CLEC16A: variants seen among roughly 807,000 people sequenced by gnomAD.
CLEC16A encodes the protein C-type lectin domain containing 16A.
A neutral mutation model predicts 109.5 loss-of-function variants in CLEC16A; 51 were observed. The observed-to-expected ratio is 0.47, with a 90% CI of 0.37 to 0.59. The LOEUF (loss-of-function observed/expected upper bound fraction) is 0.59. Ranked by LOEUF, CLEC16A falls within the 20% of genes least tolerant of loss-of-function variation. The pLI is 0.00. For missense variants in CLEC16A, 1,339 were observed against 1,394.0 expected (o/e 0.96, Z 0.63); for synonymous variants, 673 against 564.2 (o/e 1.19, Z -2.73).
At chr16:10,956,429 C>G (rs1049677603) in intron 1 of CLEC16A, among the ~76,000 whole-genome samples, 3 of 152,098 alleles carry the variant, frequency 2.0e-5, no homozygotes, top group African/African-American at 7.2e-5. Context: ...CTCACCAGAC[C>G]CCCAGCCCTG....
intron 19 of CLEC16A, among the ~76,000 whole-genome samples, chr16:11,079,197 C>T (rs2049563476): frequency 6.6e-6 from 1 of 152,216 alleles, no homozygotes; most frequent in Non-Finnish European, 1.5e-5. Flanking sequence ...CTCCCTGCAG[C>T]ACTGAAACTC....
chr16:11,036,737 C>T (rs1236104174), intron 13 of CLEC16A, among the ~76,000 whole-genome samples: 2 of 151,948 alleles, frequency 1.3e-5, no homozygotes, highest in Non-Finnish European at 2.9e-5. Context: ...TTAGTAGAGA[C>T]GGGGTTTCAC....
At chr16:11,151,994 A>G (rs11865941) in intron 22 of CLEC16A, among the ~76,000 whole-genome samples, 3,840 of 152,248 alleles carry the variant, frequency 0.025, 173 homozygotes, top group African/African-American at 0.088. Context: ...TCAGAGAACC[A>G]GGGGGTTTTG....
At chr16:10,974,792 G>A (rs1300875554) in intron 7 of CLEC16A, among the ~76,000 whole-genome samples, 1 of 152,196 alleles carries the variant, frequency 6.6e-6, no homozygotes, top group Admixed American at 6.5e-5. Context: ...ACTATAGAAA[G>A]AACAAAGTTA....
In CLEC16A at chr16:10,969,324, G is replaced by C. The variant is rs569832855; in HGVS notation, c.492+15G>C. 6.9e-6 allele frequency: 11 copies of C among 1,583,922 alleles called. No individual in the cohort carries two copies. The African/African-American group carries it at 1.4e-4, about 20-fold the overall frequency. On this transcript the variant is annotated intron_variant, in intron 4 of 23. Coordinates refer to ENST00000409790, the MANE Select transcript of CLEC16A (RefSeq NM_015226.3). ...TTTATAATGAGGTAAGTAATTGCCA[G>C]AGGGGCACGTGTGGGTGTAAAGCCA...
At chr16:11,047,960 T>C (rs558520393) in intron 17 of CLEC16A, 8 of 152,348 alleles carry the variant, frequency 5.3e-5, no homozygotes, top group African/African-American at 1.7e-4. Flanking sequence ...ATGAGAACAG[T>C]ATAAGGGAAA....
rs2042245575 is a variant in CLEC16A at position 10,961,468 on chromosome 16, G to C, written c.210-987G>C. ...AGTGTCCCAGATGCAAGATTATCTG[G>C]TGTTAGCTTGAGTACAGAGAACACA... On this transcript the variant is annotated intron_variant, in intron 2 of 23. Coordinates refer to ENST00000409790, the MANE Select transcript of CLEC16A (RefSeq NM_015226.3). This position sits in a 1 kb window ranked among gnomAD's most constrained non-coding sequence, Gnocchi z 4.3. Among the ~76,000 whole-genome samples the C allele has an allele frequency of 6.6e-6, 1 of 152,156 alleles. No individual in the cohort carries two copies. Among genetic ancestry groups the C allele is most frequent in the African/African-American group, 2.4e-5 (1 of 41,420 alleles).
At chr16:11,145,292 C>T (rs1372945105) in intron 22 of CLEC16A, among the ~76,000 whole-genome samples, 1 of 152,166 alleles carries the variant, frequency 6.6e-6, no homozygotes, top group Non-Finnish European at 1.5e-5. Flanking sequence ...GCGGGCTACC[C>T]GTGGGGCCCG....
At chr16:11,013,116 CCATGCAGACATGGCGAGAA>C (rs2045538222) in intron 11 of CLEC16A, among the ~76,000 whole-genome samples, 1 of 152,122 alleles carries the variant, frequency 6.6e-6, no homozygotes, top group Non-Finnish European at 1.5e-5. Context: ...TGGCAAAAAC[CCATGCAGACATGGCGAGAA>C]CATGCAGACT....
At chr16:11,043,196 A>G (rs1219669460) in intron 15 of CLEC16A, among the ~76,000 whole-genome samples, 1 of 152,128 alleles carries the variant, frequency 6.6e-6, no homozygotes, top group Non-Finnish European at 1.5e-5. Flanking sequence ...AGGTGAGAGG[A>G]TCACTTGAGG....
At chr16:11,067,976 C>T (rs1005299031) in intron 19 of CLEC16A, among the ~76,000 whole-genome samples, 2 of 152,238 alleles carry the variant, frequency 1.3e-5, no homozygotes, top group Non-Finnish European at 2.9e-5. Flanking sequence ...GTTGTATTCA[C>T]CTCCTGGCAA....
chr16:10,994,719 AAG>A (rs1479037163), intron 10 of CLEC16A, among the ~76,000 whole-genome samples: 1 of 152,134 alleles, frequency 6.6e-6, no homozygotes, highest in Non-Finnish European at 1.5e-5. Flanking sequence ...AAAAAGTGAA[AAG>A]AGTCACATTA....
intron 19 of CLEC16A, among the ~76,000 whole-genome samples, chr16:11,063,694 C>G (rs1211277447): frequency 6.6e-6 from 1 of 152,160 alleles, no homozygotes; most frequent in Non-Finnish European, 1.5e-5. Context: ...CAGCAGGTCT[C>G]TCGGCTGGGT....
intron 19 of CLEC16A, among the ~76,000 whole-genome samples, chr16:11,113,620 C>T (rs1027568855): frequency 2.0e-5 from 3 of 152,122 alleles, no homozygotes; most frequent in Admixed American, 6.5e-5. Context: ...GATCGCTCCC[C>T]TGTACTCCAG....
chr16:11,098,022 A>T (rs1240973229), intron 19 of CLEC16A, among the ~76,000 whole-genome samples: 1 of 152,192 alleles, frequency 6.6e-6, no homozygotes, highest in Non-Finnish European at 1.5e-5. Flanking sequence ...TCACTTGGAG[A>T]GCTTTAAGGC....
intron 10 of CLEC16A, among the ~76,000 whole-genome samples, chr16:10,991,423 CA>C (rs756161193): frequency 0.22 from 13,823 of 63,176 alleles, 327 homozygotes; most frequent in South Asian, 0.36. Flanking sequence ...GACTCCGTCT[CA>C]AAAAAAAAAA....
At chr16:11,030,841 C>T (rs566416802) in intron 13 of CLEC16A, among the ~76,000 whole-genome samples, 25 of 152,144 alleles carry the variant, frequency 1.6e-4, no homozygotes, top group Non-Finnish European at 2.5e-4. Flanking sequence ...GACAGGGTTT[C>T]GCCCTGTTGG....
intron 22 of CLEC16A, among the ~76,000 whole-genome samples, chr16:11,160,952 A>G (rs141517909): frequency 2.5e-4 from 38 of 152,260 alleles, no homozygotes; most frequent in Non-Finnish European, 4.9e-4. Context: ...CACATGCCAC[A>G]TTCATTTCTA....
intron 1 of CLEC16A, among the ~76,000 whole-genome samples, chr16:10,946,497 G>A (rs2041381914): frequency 6.6e-6 from 1 of 152,156 alleles, no homozygotes; most frequent in Non-Finnish European, 1.5e-5. Context: ...ACAAGTCTGG[G>A]GTGGGTAGGG....
Sources: gnomAD v4.1 joint callset for allele counts (sites outside exome capture counted in the v4.1 genomes callset) on GRCh38, gnomAD v4.1.1 for gene constraint, Gnocchi (gnomAD v3.1) non-coding constraint, MANE v1.5 for transcripts, NCBI Gene and HGNC (gene_info 2026-07-23, HGNC 2026-07-21) for gene names.